PRMT8: variants seen among roughly 807,000 people sequenced by gnomAD.
PRMT8 encodes protein arginine methyltransferase 8, also known as protein arginine N-methyltransferase 8.
PRMT8 carries 7 observed loss-of-function variants against 47.1 expected under a neutral mutation model. The observed-to-expected ratio is 0.15, with a 90% CI of 0.08 to 0.28. The LOEUF (loss-of-function observed/expected upper bound fraction) is 0.28, where lower values mean the gene tolerates loss of function less well. Among genes scored for constraint, PRMT8 ranks in the 10% least tolerant of loss-of-function variants. The pLI is 1.00. For missense variants in PRMT8, 237 were observed against 505.4 expected, an observed-to-expected ratio of 0.47 and a Z score of 5.09; for synonymous variants, 188 against 186.5, an observed-to-expected ratio of 1.01 and a Z score of -0.07.
At chr12:3,470,454 C>A (rs946659213) in intron 1 of PRMT8, among the ~76,000 whole-genome samples, 2 of 152,158 alleles carry the variant, frequency 1.3e-5, no homozygotes, top group Non-Finnish European at 2.9e-5. Context: ...TCTGTTTGAA[C>A]CTGCCAACCT....
intron 8 of PRMT8, among the ~76,000 whole-genome samples, chr12:3,586,185 C>A (rs1867168401): frequency 6.6e-6 from 1 of 152,144 alleles, no homozygotes; most frequent in Non-Finnish European, 1.5e-5. Context: ...AGAGATGGCT[C>A]CCTGGCTCTG....
chr12:3,520,568 C>T (rs12828350), intron 1 of PRMT8, among the ~76,000 whole-genome samples: 1,728 of 152,244 alleles, frequency 0.011, 17 homozygotes, highest in Middle Eastern at 0.034. Flanking sequence ...TAAAGTTAAA[C>T]CAAACCTTAA....
intron 1 of PRMT8, among the ~76,000 whole-genome samples, chr12:3,407,674 G>A (rs1864386690): frequency 1.3e-5 from 2 of 152,024 alleles, no homozygotes; most frequent in South Asian, 2.1e-4. Flanking sequence ...CAAGACTTGG[G>A]AATTTTTCAG....
At chr12:3,428,576 G>C (rs1420402322) in intron 1 of PRMT8, among the ~76,000 whole-genome samples, 1 of 152,072 alleles carries the variant, frequency 6.6e-6, no homozygotes, top group Non-Finnish European at 1.5e-5. Context: ...ATAGGGTCAC[G>C]GAGAAGACCT....
At chr12:3,587,841 C>T (rs1010576419) in intron 8 of PRMT8, among the ~76,000 whole-genome samples, 2 of 152,224 alleles carry the variant, frequency 1.3e-5, no homozygotes, top group Admixed American at 1.3e-4. Flanking sequence ...CCATACCGCA[C>T]AGCCTGAAAA....
At chr12:3,517,329 C>T (rs980669788) in intron 1 of PRMT8, among the ~76,000 whole-genome samples, 11 of 152,242 alleles carry the variant, frequency 7.2e-5, no homozygotes, top group Non-Finnish European at 7.4e-5. Flanking sequence ...TCTCTGTGCC[C>T]GCGTGGAGTG....
At chr12:3,578,774 C>T (rs1198064012) in intron 7 of PRMT8, among the ~76,000 whole-genome samples, 5 of 152,120 alleles carry the variant, frequency 3.3e-5, no homozygotes, top group Admixed American at 2.0e-4. Context: ...TGGACACAAG[C>T]CTTGCTAGGA....
intron 2 of PRMT8, among the ~76,000 whole-genome samples, chr12:3,545,248 C>T (rs566023807): frequency 5.2e-4 from 79 of 152,302 alleles, no homozygotes; most frequent in African/African-American, 1.7e-3. Flanking sequence ...GATCTGAATG[C>T]GGGAATTTGG....
intron 1 of PRMT8, among the ~76,000 whole-genome samples, chr12:3,406,945 C>T (rs1565400303): frequency 6.6e-6 from 1 of 152,138 alleles, no homozygotes; most frequent in Non-Finnish European, 1.5e-5. Flanking sequence ...GTACCAATTA[C>T]TGTATTAGTT....
At chr12:3,478,103 T>G (rs1218028596) in intron 1 of PRMT8, among the ~76,000 whole-genome samples, 1 of 152,134 alleles carries the variant, frequency 6.6e-6, no homozygotes, top group Non-Finnish European at 1.5e-5. Context: ...AGGAAAGGTT[T>G]GGAAACTTAA....
At chr12:3,540,122 C>T (rs913616352) in intron 1 of PRMT8, among the ~76,000 whole-genome samples, 2 of 152,122 alleles carry the variant, frequency 1.3e-5, no homozygotes, top group African/African-American at 4.8e-5. Flanking sequence ...ATTTTATTCC[C>T]ATTTTAGAGA....
chr12:3,423,959 G>A (rs575790358), intron 1 of PRMT8, among the ~76,000 whole-genome samples: 12 of 152,186 alleles, frequency 7.9e-5, no homozygotes, highest in African/African-American at 2.7e-4. Context: ...TCAGGAACTG[G>A]GTCTGTAGGT....
In PRMT8 at chr12:3,491,281, A is replaced by T; in HGVS notation, c.-345A>T. 8.9e-7 allele frequency: 1 copy of T among 1,119,862 alleles called. No homozygotes were observed. The highest frequency in any genetic ancestry group is 1.1e-6 in the Non-Finnish European group (1 of 914,014). 69.4% of individuals were successfully genotyped at this position (1,119,862 alleles called of 1,614,324 possible). ...CGGCCGGACTTTGCGAGCAGCCTGG[A>T]GAGGATCCGCGACCGCCGCCGCCGC... On this transcript the variant is annotated 5_prime_UTR_variant, in exon 1 of 10. Transcript: ENST00000382622.
chr12:3,466,686 G>A (rs1865099824), intron 1 of PRMT8, among the ~76,000 whole-genome samples: 1 of 152,090 alleles, frequency 6.6e-6, no homozygotes, highest in Admixed American at 6.5e-5. Flanking sequence ...TCTTGTTTTG[G>A]ACAATAGCTT....
intron 1 of PRMT8, among the ~76,000 whole-genome samples, chr12:3,479,436 T>G (rs957562894): frequency 6.6e-6 from 1 of 152,264 alleles, no homozygotes; most frequent in Non-Finnish European, 1.5e-5. Context: ...GGCTAATTTT[T>G]TTTAGTCCTT....
intron 1 of PRMT8, among the ~76,000 whole-genome samples, chr12:3,413,561 G>C (rs1301322749): frequency 6.6e-6 from 1 of 152,124 alleles, no homozygotes; most frequent in Non-Finnish European, 1.5e-5. Context: ...CAGGCAACGA[G>C]CTGTTATCTC....
chr12:3,452,189 G>A (rs1864925309), intron 1 of PRMT8, among the ~76,000 whole-genome samples: 1 of 152,114 alleles, frequency 6.6e-6, no homozygotes, highest in Admixed American at 6.5e-5. Context: ...AGAGGGAGAG[G>A]ACCAGGAAAA....
chr12:3,470,664 C>CA (rs1865152041), intron 1 of PRMT8, among the ~76,000 whole-genome samples: 1 of 150,234 alleles, frequency 6.7e-6, no homozygotes, highest in Non-Finnish European at 1.5e-5. Context: ...TGGCACACAG[C>CA]ACTGCCTCTG....
Position 3,491,683 on chromosome 12 carries a change from G to A in PRMT8, c.58G>A (p.Ala20Thr). The A allele has an allele frequency of 6.2e-7, 1 of 1,610,818 alleles. No homozygotes were observed. The highest frequency in any genetic ancestry group is 8.5e-7 in the Non-Finnish European group (1 of 1,179,610). Residue 20 changes from alanine (A) to threonine (T), a missense_variant, in exon 1 of 10, where the codon GCG becomes ACG. Coordinates refer to ENST00000382622, the MANE Select transcript of PRMT8 (RefSeq NM_019854.5). ...CCTGAGGAGGAAAATGGCGGAGAAC[G>A]CGGCCGAGAGCACCGAGGTAAGGAG... ...LLLRRKMAENAAESTEVNSPP... is the reference protein window; with the variant it reads ...LLLRRKMAENTAESTEVNSPP...
Sources: allele counts gnomAD v4.1 joint callset (sites outside exome capture counted in the v4.1 genomes callset), GRCh38; gene constraint gnomAD v4.1.1; transcripts MANE v1.5; gene names NCBI Gene and HGNC (gene_info 2026-07-23, HGNC 2026-07-21).